Variants in CFAP20DC observed in about 807,000 individuals in gnomAD.
CFAP20DC encodes the protein protein CFAP20DC.
In CFAP20DC, 84 loss-of-function variants were observed where a neutral mutation model predicts 101.7. That is an observed-to-expected ratio of 0.83 (90% confidence interval 0.69 to 0.99). The LOEUF is 0.99. CFAP20DC is among the 50% of genes least tolerant of loss of function. The probability of loss-of-function intolerance (pLI) is 0.00; values close to 1 mark genes in which losing one functional copy is unlikely to be tolerated. For synonymous variants in CFAP20DC, 359 were observed against 351.2 expected (o/e 1.02, Z -0.25); for missense variants, 1,007 against 970.3 (o/e 1.04, Z -0.50).
intron 4 of CFAP20DC, among the ~76,000 whole-genome samples, chr3:58,982,411 C>T (rs574377258): frequency 5.3e-5 from 8 of 152,120 alleles, no homozygotes; most frequent in Admixed American, 1.3e-4. Flanking sequence ...CACATGCACA[C>T]GTATGTTTAT....
At chr3:58,822,493 C>T (rs966571224) in intron 14 of CFAP20DC, among the ~76,000 whole-genome samples, 2 of 145,672 alleles carry the variant, frequency 1.4e-5, no homozygotes, top group African/African-American at 2.6e-5. Context: ...TGCTAGATGA[C>T]GTGTTAGTGG....
Position 58,812,477 on chromosome 3 carries a change from T to A in CFAP20DC, c.2176-6021A>T, listed in dbSNP as rs139328385. 6.7e-3 allele frequency among the ~76,000 whole-genome samples: 1,009 copies of A among 150,864 alleles called. 33 individuals are homozygous for A. Among genetic ancestry groups the A allele is most frequent in the African/African-American group, 0.024 (949 of 40,354 alleles). On this transcript the variant is annotated intron_variant, in intron 14 of 16. Transcript: ENST00000482387. The stretch of plus-strand genomic sequence containing the variant: ...AGAACAAAAAACCAAACACCGCATA[T>A]TCTCAGTCATAGGTGGGAAATGAAC...
chr3:58,849,384 C>G lies in CFAP20DC; in HGVS notation c.1619G>C (p.Arg540Pro). Residue 540 changes from arginine to proline, a missense_variant, in exon 13 of 17, where the codon CGA becomes CCA. Transcript: ENST00000482387. Reference sequence around the variant, plus strand: ...CTCTGAAGGACCAGTTGTTGGGCCTCGAGAACCCTGGATACTGTGGTTACC... The same window carrying G: ...CTCTGAAGGACCAGTTGTTGGGCCTGGAGAACCCTGGATACTGTGGTTACC... ...EEGNHSIQGS[R>P]GPTTGPSELT... 5 of 1,534,760 alleles carry G rather than the reference C, an allele frequency of 3.3e-6. No homozygotes were observed. The highest frequency in any genetic ancestry group is 1.2e-5 in the South Asian group (1 of 83,700).
intron 14 of CFAP20DC, among the ~76,000 whole-genome samples, chr3:58,830,936 GTCTT>G (rs1391054498): frequency 6.6e-6 from 1 of 152,146 alleles, no homozygotes; most frequent in Non-Finnish European, 1.5e-5. Flanking sequence ...TTTACGCTCT[GTCTT>G]TCCAATTAAG....
At chr3:58,951,151 A>T (rs1576455718) in intron 4 of CFAP20DC, among the ~76,000 whole-genome samples, 1 of 152,236 alleles carries the variant, frequency 6.6e-6, no homozygotes, top group Non-Finnish European at 1.5e-5. Flanking sequence ...AAGACACATG[A>T]AAAAATGCTC....
chr3:58,716,448 C>T (rs971829485), downstream of CFAP20DC, among the ~76,000 whole-genome samples: 2 of 152,068 alleles, frequency 1.3e-5, no homozygotes, highest in African/African-American at 4.8e-5. Flanking sequence ...CAGGCATGAG[C>T]CACCGCGCCC....
chr3:58,763,330 C>T (rs925331295), intron 15 of CFAP20DC, among the ~76,000 whole-genome samples: 9 of 142,234 alleles, frequency 6.3e-5, no homozygotes, highest in Admixed American at 3.7e-4. Flanking sequence ...TTGATCGAAT[C>T]GGCTACTGAG....
At chr3:58,753,893 T>A (rs1313573250) in intron 15 of CFAP20DC, 30 bp from the exon 16 acceptor site, 1 of 1,449,064 alleles carries the variant, frequency 6.9e-7, no homozygotes, top group East Asian at 2.3e-5. Flanking sequence ...AATGAGCATG[T>A]CTGGAATTCC....
At chr3:58,767,646 A>C (rs1362747733) in intron 15 of CFAP20DC, among the ~76,000 whole-genome samples, 1 of 152,186 alleles carries the variant, frequency 6.6e-6, no homozygotes, top group African/African-American at 2.4e-5. Context: ...CTCCCACCTC[A>C]GCCTCCCAAA....
chr3:59,037,112 C>A (rs770676180), intron 4 of CFAP20DC, among the ~76,000 whole-genome samples: 1 of 152,124 alleles, frequency 6.6e-6, no homozygotes, highest in South Asian at 2.1e-4. Flanking sequence ...CTTCCTTACA[C>A]CTTATACAAA....
rs115211630 is a variant in CFAP20DC at position 58,727,068 on chromosome 3, A to G, written c.198-9440T>C. 6.5e-3 allele frequency: 1,425 copies of G among 220,858 alleles called. 23 individuals carry two copies. The highest frequency in any genetic ancestry group is 0.031 in the African/African-American group (1,321 of 42,544). 13.7% of individuals were successfully genotyped at this position (220,858 alleles called of 1,614,324 possible). On this transcript the variant is annotated intron_variant, in intron 3 of 3. Transcript: ENST00000486145. ...AGGACCCATCACTTCCACTCACACC[A>G]TTAGAAGAGATGACTTGGCTCCACC...
intron 1 of CFAP20DC, among the ~76,000 whole-genome samples, chr3:59,049,107 T>C (rs1700108225): frequency 6.6e-6 from 1 of 152,188 alleles, no homozygotes; most frequent in Admixed American, 6.5e-5. Flanking sequence ...CCTGATGTAC[T>C]CCAACGTCTG....
chr3:58,953,313 A>G (rs920072193), intron 4 of CFAP20DC, among the ~76,000 whole-genome samples: 2 of 152,208 alleles, frequency 1.3e-5, no homozygotes, highest in Non-Finnish European at 2.9e-5. Context: ...GCAAAACTCA[A>G]TAGGAATCAA....
chr3:58,861,523 A>G lies in CFAP20DC; in HGVS notation c.1593+2035T>C. The stretch of plus-strand genomic sequence containing the variant: ...GAAGAAGCTATCCTACAGGAAAAGA[A>G]ATTACCAAAAGTACAAAAGAAAAAA... On this transcript the variant is annotated intron_variant, in intron 12 of 16. Coordinates refer to ENST00000482387, the MANE Select transcript of CFAP20DC (RefSeq NM_001394063.1). The surrounding 1 kb of genome is among the most constrained non-coding windows in gnomAD (Gnocchi z 4.0). The G allele has an allele frequency of 1.0e-6, 1 of 969,102 alleles. No homozygotes were observed. The highest frequency in any genetic ancestry group is 1.2e-6 in the Non-Finnish European group (1 of 815,020). 60.0% of individuals were successfully genotyped at this position (969,102 alleles called of 1,614,324 possible). A position where few individuals can be genotyped will look rare whatever the true frequency, so the allele number is the denominator to read the frequency against.
intron 5 of CFAP20DC, among the ~76,000 whole-genome samples, chr3:58,931,146 C>T (rs961164347): frequency 1.1e-4 from 16 of 152,134 alleles, no homozygotes; most frequent in African/African-American, 3.9e-4. Context: ...GAGGGTCCTA[C>T]GCCCACGGAG....
At chr3:58,738,417 A>C (rs1300879233), downstream of CFAP20DC, among the ~76,000 whole-genome samples, 3 of 149,658 alleles carry the variant, frequency 2.0e-5, no homozygotes, top group African/African-American at 4.9e-5. The surrounding 1 kb of genome is among the most constrained non-coding windows in gnomAD (Gnocchi z 4.4). Context: ...TTCAGCTCCC[A>C]CTTATAAGTT....
At chr3:58,923,502 G>C (rs1412056177) in intron 5 of CFAP20DC, among the ~76,000 whole-genome samples, 1 of 152,070 alleles carries the variant, frequency 6.6e-6, no homozygotes, top group Non-Finnish European at 1.5e-5. Flanking sequence ...AAGAATTCTA[G>C]ATTGACAAAT....
chr3:58,849,155 C>CT lies in CFAP20DC; in HGVS notation c.1847dup (p.Lys617GlufsTer42). 6.5e-7 allele frequency: 1 copy of CT among 1,536,070 alleles called. No homozygotes were observed. Among genetic ancestry groups the CT allele is most frequent in the South Asian group, 1.2e-5 (1 of 84,038 alleles). On this transcript the variant is annotated frameshift_variant, in exon 13 of 17. Transcript: ENST00000482387. LOFTEE classifies it high-confidence loss of function. ...CTTTGATTACGGGCTCTGGAGTTTT[C>CT]TGACAGGACCCACACCTTCTTCCAG...
At chr3:58,720,470 G>T (rs890197564) in intron 3 of CFAP20DC, among the ~76,000 whole-genome samples, 16 of 152,118 alleles carry the variant, frequency 1.1e-4, no homozygotes, top group African/African-American at 3.6e-4. Flanking sequence ...GGGCTCTAAG[G>T]GTCAGTAGAT....
Sources: allele counts gnomAD v4.1 joint callset (sites outside exome capture counted in the v4.1 genomes callset), GRCh38; gene constraint gnomAD v4.1.1; non-coding constraint Gnocchi (gnomAD v3.1); transcripts MANE v1.5; gene names NCBI Gene and HGNC (gene_info 2026-07-23, HGNC 2026-07-21).